Variants in PACS1 observed in about 807,000 individuals in gnomAD.
PACS1 encodes the protein phosphofurin acidic cluster sorting protein 1, also known as PACS-1.
A neutral mutation model predicts 115.0 loss-of-function variants in PACS1; 24 were observed. The observed-to-expected ratio is 0.21, with a 90% CI of 0.15 to 0.29. The LOEUF (loss-of-function observed/expected upper bound fraction) is 0.29. PACS1 is among the 10% of genes least tolerant of loss of function. The pLI, the probability that PACS1 is intolerant of heterozygous loss-of-function variation, is 1.00. For synonymous variants in PACS1, 453 were observed against 504.5 expected (o/e 0.90, Z 1.37); for missense variants, 838 against 1,251.2 (o/e 0.67, Z 4.98).
rs552686871 is a variant in PACS1, at chr11:66,243,101, C to G, written c.2777-64C>G. The G allele has an allele frequency of 2.0e-5, 32 of 1,611,800 alleles. No individual in the cohort carries two copies. In the South Asian group the frequency reaches 3.3e-4, roughly 17 times the overall value. The stretch of plus-strand genomic sequence containing the variant: ...GAGAGGGAGGCAGGCAATGGCCTTT[C>G]CCAAGGGGCCCTGGGGAGATGGCCT... On this transcript the variant is annotated intron_variant, in intron 23 of 23. Transcript: ENST00000320580.
intron 1 of PACS1, among the ~76,000 whole-genome samples, chr11:66,186,961 G>T (rs544652412): frequency 6.6e-6 from 1 of 152,310 alleles, no homozygotes; most frequent in Non-Finnish European, 1.5e-5. Flanking sequence ...GGTCTTACCT[G>T]TTCTTGAACT....
intron 11 of PACS1, among the ~76,000 whole-genome samples, chr11:66,229,539 C>T (rs1012224890): frequency 1.3e-5 from 2 of 151,528 alleles, no homozygotes; most frequent in Non-Finnish European, 2.9e-5. Context: ...ATAAGCCGGG[C>T]GTGGTGGTGG....
chr11:66,091,671 C>G (rs547699923), intron 1 of PACS1, among the ~76,000 whole-genome samples: 3 of 151,844 alleles, frequency 2.0e-5, no homozygotes, highest in Non-Finnish European at 4.4e-5. Context: ...TCCCTCCCCC[C>G]TCCTCCCACC....
chr11:66,234,255 T>G lies in PACS1; in HGVS notation c.2104+13T>G, dbSNP rs915568257. 1.3e-6 allele frequency: 2 copies of G among 1,576,260 alleles called. No individual in the cohort carries two copies. The highest frequency in any genetic ancestry group is 1.1e-5 in the South Asian group (1 of 90,284). Reference sequence around the variant, plus strand: ...CCACCAGTGTCAGGTAATGGCCCCGTGTAAGGAGCTTACTCCCACCCCCGG... The same window carrying G: ...CCACCAGTGTCAGGTAATGGCCCCGGGTAAGGAGCTTACTCCCACCCCCGG... On this transcript the variant is annotated intron_variant, in intron 17 of 23. Transcript: ENST00000320580.
intron 1 of PACS1, among the ~76,000 whole-genome samples, chr11:66,105,819 T>C (rs925874700): frequency 5.3e-5 from 8 of 152,348 alleles, no homozygotes; most frequent in Admixed American, 3.3e-4. Flanking sequence ...TATCCTGAGA[T>C]ACACAGCTAC....
At chr11:66,212,340 G>T (rs997964269) in intron 4 of PACS1, among the ~76,000 whole-genome samples, 13 of 151,188 alleles carry the variant, frequency 8.6e-5, no homozygotes, top group South Asian at 2.1e-4. Context: ...CACCATGTTG[G>T]CCAGGATGGT....
intron 1 of PACS1, among the ~76,000 whole-genome samples, chr11:66,159,760 G>A (rs996130231): frequency 3.3e-5 from 5 of 152,192 alleles, no homozygotes; most frequent in Admixed American, 2.6e-4. Context: ...CATTTAACAA[G>A]CTGTAAGGAA....
chr11:66,190,549 C>T (rs954895712), intron 1 of PACS1, among the ~76,000 whole-genome samples: 2 of 152,090 alleles, frequency 1.3e-5, no homozygotes, highest in African/African-American at 4.8e-5. Context: ...CCTCAGCCTC[C>T]CACATTTCTT....
At chr11:66,071,951 G>A (rs1275908924) in intron 1 of PACS1, among the ~76,000 whole-genome samples, 1 of 152,180 alleles carries the variant, frequency 6.6e-6, no homozygotes, top group East Asian at 1.9e-4. Context: ...AAGGAACAGA[G>A]CATTATCGCT....
At chr11:66,141,273 A>C (rs1178529267) in intron 1 of PACS1, among the ~76,000 whole-genome samples, 1 of 152,190 alleles carries the variant, frequency 6.6e-6, no homozygotes, top group Non-Finnish European at 1.5e-5. Context: ...AGAACAGATT[A>C]AATATATTTA....
intron 1 of PACS1, among the ~76,000 whole-genome samples, chr11:66,159,868 A>G (rs550894404): frequency 1.8e-4 from 27 of 152,244 alleles, no homozygotes; most frequent in Non-Finnish European, 3.5e-4. Context: ...AATATTCTGC[A>G]TTCGTGACAC....
At chr11:66,148,425 G>A (rs959037486) in intron 1 of PACS1, among the ~76,000 whole-genome samples, 1 of 152,094 alleles carries the variant, frequency 6.6e-6, no homozygotes, top group African/African-American at 2.4e-5. Flanking sequence ...GGCATTACAG[G>A]TGTGAGCACC....
chr11:66,072,449 C>G (rs1857325194), intron 1 of PACS1, among the ~76,000 whole-genome samples: 1 of 152,064 alleles, frequency 6.6e-6, no homozygotes, highest in African/African-American at 2.4e-5. Flanking sequence ...TGGGACTTCA[C>G]TAGGCAAAAG....
intron 1 of PACS1, among the ~76,000 whole-genome samples, chr11:66,098,645 C>T (rs1857840343): frequency 6.6e-6 from 1 of 152,128 alleles, no homozygotes; most frequent in Admixed American, 6.6e-5. Context: ...AGTTTGCTGC[C>T]CCAACTATAT....
At chr11:66,097,868 A>G (rs1249021538) in intron 1 of PACS1, among the ~76,000 whole-genome samples, 1 of 152,142 alleles carries the variant, frequency 6.6e-6, no homozygotes, top group Admixed American at 6.6e-5. Flanking sequence ...GTATCTGTTC[A>G]AGTCTTTTTC....
intron 2 of PACS1, among the ~76,000 whole-genome samples, chr11:66,197,736 G>A (rs1854681127): frequency 6.6e-6 from 1 of 152,132 alleles, no homozygotes; most frequent in African/African-American, 2.4e-5. Flanking sequence ...AGTTTACAAT[G>A]AGTTATGATC....
chr11:66,156,406 A>G (rs1395481248), intron 1 of PACS1, among the ~76,000 whole-genome samples: 2 of 151,134 alleles, frequency 1.3e-5, no homozygotes, highest in Non-Finnish European at 3.0e-5. Context: ...CACCACGCCC[A>G]GCTAATTTTT....
Position 66,097,196 on chromosome 11 carries a change from C to T in PACS1, c.356+26354C>T, listed in dbSNP as rs916169422. On this transcript the variant is annotated intron_variant, in intron 1 of 23. Transcript: ENST00000320580. ...CCCTGGTATTTATGGCCTAGTAGTC[C>T]TGTGCCCTTGGGTGCAGGTGGGACC... is the stretch of plus-strand genomic sequence containing the variant. Among the ~76,000 whole-genome samples, 5 of 152,168 alleles carry T rather than the reference C, an allele frequency of 3.3e-5. 1 individual carries two copies. The South Asian group carries it at 1.0e-3, about 31-fold the overall frequency.
rs111401633 is a variant in PACS1 at position 66,114,384 on chromosome 11, C to G, written c.356+43542C>G. ...AGTGAGCTGAGATCCCACCACTGCA[C>G]TCCAGCCTGGGCGACAGAGCAAGAC... On this transcript the variant is annotated intron_variant, in intron 1 of 23. Coordinates refer to ENST00000320580, the MANE Select transcript of PACS1 (RefSeq NM_018026.4). Among the ~76,000 whole-genome samples, 1,291 of 148,790 alleles carry G rather than the reference C, an allele frequency of 8.7e-3. 86 individuals carry two copies. The East Asian group carries it at 0.17, about 20-fold the overall frequency.
Sources: allele counts gnomAD v4.1 joint callset (sites outside exome capture counted in the v4.1 genomes callset), GRCh38; gene constraint gnomAD v4.1.1; transcripts MANE v1.5; gene names NCBI Gene and HGNC (gene_info 2026-07-23, HGNC 2026-07-21).